The following PLA1A variants were observed in gnomAD, a reference collection of about 807,000 sequenced individuals.
PLA1A encodes phosphatidylserine-specific phospholipase A1alpha.
In PLA1A, 47 loss-of-function variants were observed where a neutral mutation model predicts 49.4. The observed-to-expected ratio is 0.95, with a 90% confidence interval of 0.75 to 1.21. The LOEUF (loss-of-function observed/expected upper bound fraction) is 1.21. Ranked by LOEUF, PLA1A falls within the 50% of genes most tolerant of loss-of-function variation. The pLI, the probability that PLA1A is intolerant of heterozygous loss-of-function variation, is 0.00. For missense variants in PLA1A, 561 were observed against 563.9 expected, an observed-to-expected ratio of 0.99 and a Z score of 0.05; for synonymous variants, 224 against 207.9, an observed-to-expected ratio of 1.08 and a Z score of -0.67.
intron 8 of PLA1A, among the ~76,000 whole-genome samples, chr3:119,622,014 T>C (rs1209836738): frequency 1.3e-5 from 2 of 151,144 alleles, no homozygotes; most frequent in Non-Finnish European, 2.9e-5. Context: ...AGGAGAGGAG[T>C]TCGAGACTGC....
chr3:119,628,266 G>T (rs1448646399), intron 9 of PLA1A, among the ~76,000 whole-genome samples: 2 of 152,232 alleles, frequency 1.3e-5, no homozygotes, highest in Non-Finnish European at 2.9e-5. Context: ...ATGTTTTCTT[G>T]TTGCTGTTTC....
At chr3:119,605,598 G>C (rs1210469767) in intron 1 of PLA1A, among the ~76,000 whole-genome samples, 1 of 152,226 alleles carries the variant, frequency 6.6e-6, no homozygotes, top group East Asian at 1.9e-4. Context: ...CACTTTGTCT[G>C]GTGGCAGCAA....
chr3:119,612,495 C>CT (rs11420188), intron 4 of PLA1A, among the ~76,000 whole-genome samples: 37,090 of 148,284 alleles, frequency 0.25, 5,775 homozygotes, highest in East Asian at 0.47. Flanking sequence ...TCAAGGTCAT[C>CT]TTTTTTTTTT....
chr3:119,625,017 A>G, intron 8 of PLA1A, 107 bp from the exon 9 acceptor site: 1 of 680,804 alleles, frequency 1.5e-6, no homozygotes. Context: ...GCACACAGCC[A>G]CTAAGAGATA....
chr3:119,627,241 C>T (rs72957041), intron 9 of PLA1A, among the ~76,000 whole-genome samples: 24,902 of 152,082 alleles, frequency 0.16, 2,315 homozygotes, highest in East Asian at 0.35. Flanking sequence ...GGGGGAAAAA[C>T]GGGGAGGTTA....
chr3:119,613,546 C>A (rs948295954), intron 5 of PLA1A, among the ~76,000 whole-genome samples: 2 of 152,218 alleles, frequency 1.3e-5, no homozygotes, highest in African/African-American at 4.8e-5. Flanking sequence ...CCTGTCACAA[C>A]TTCCCTCCTC....
At position 119,608,809 on chromosome 3, in the gene PLA1A, T is replaced by C. The variant is rs147462697; in HGVS notation, c.315T>C (p.Ile105=). ...AGCCTTCCTGGATTGACACATTTATTAGAACCCTTCTGCGTGCAACGAATG... is the reference window on the plus strand; with the variant it reads ...AGCCTTCCTGGATTGACACATTTATCAGAACCCTTCTGCGTGCAACGAATG... ...GTKPSWIDTF[I]RTLLRATNAN... Residue 105 remains isoleucine, a synonymous_variant, in exon 3 of 11, where the codon ATT becomes ATC. Coordinates refer to ENST00000273371, the MANE Select transcript of PLA1A (RefSeq NM_015900.4). The C allele has an allele frequency of 4.3e-6, 7 of 1,614,044 alleles. No individual in the cohort carries two copies. Among genetic ancestry groups the C allele is most frequent in the Non-Finnish European group, 5.9e-6 (7 of 1,179,884 alleles).
At position 119,619,630 on chromosome 3, in the gene PLA1A, T is replaced by C. The variant is rs200387675; in HGVS notation, c.990T>C (p.Thr330=). The change falls in exon 8 of 11, where the codon ACT becomes ACC. Residue 330 remains threonine, a synonymous_variant. Transcript: ENST00000273371. ...LPKEVKVYLL[T]TSSAPYCMHH... ...AGGAAGTGAAAGTCTACCTCCTGAC[T>C]ACTTCCAGTGCTCCGTACTGCAGTG... is the stretch of plus-strand genomic sequence containing the variant. 277 of 1,612,000 alleles carry C rather than the reference T, an allele frequency of 1.7e-4. No homozygotes were observed. Among genetic ancestry groups the C allele is most frequent in the Admixed American group, 3.3e-4 (20 of 60,024 alleles).
chr3:119,624,350 C>T (rs1380096798), intron 8 of PLA1A, among the ~76,000 whole-genome samples: 2 of 152,170 alleles, frequency 1.3e-5, no homozygotes, highest in African/African-American at 4.8e-5. Flanking sequence ...GCCTTCATGA[C>T]TTAATCCCTT....
chr3:119,618,810 C>A (rs2082889104), intron 7 of PLA1A, among the ~76,000 whole-genome samples: 1 of 152,124 alleles, frequency 6.6e-6, no homozygotes, highest in South Asian at 2.1e-4. Context: ...AATGGTTTCT[C>A]TCCCTCCCGC....
chr3:119,613,695 C>T (rs1004414567), intron 5 of PLA1A, among the ~76,000 whole-genome samples: 15 of 152,206 alleles, frequency 9.9e-5, no homozygotes, highest in African/African-American at 3.6e-4. Context: ...AGATCGAGAC[C>T]ATCCTGGCTA....
intron 1 of PLA1A, among the ~76,000 whole-genome samples, chr3:119,605,775 G>A (rs763045180): frequency 4.6e-5 from 7 of 152,254 alleles, no homozygotes; most frequent in Non-Finnish European, 8.8e-5. Context: ...TCCCTGGGAA[G>A]CAGGAGTTTC....
chr3:119,628,009 G>GC (rs111370741), intron 9 of PLA1A, among the ~76,000 whole-genome samples: 2,285 of 152,218 alleles, frequency 0.015, 52 homozygotes, highest in African/African-American at 0.051. Context: ...AGGGAATCTG[G>GC]GGGGGCAAAG....
rs1553795296 is a variant in PLA1A at position 119,629,497 on chromosome 3, C to CATT, written c.*30_*32dup. The stretch of plus-strand genomic sequence containing the variant: ...AACCTGGGCAGGACACATCTCCCTG[C>CATT]ATTTTTTTTTTTTTTTTGAGAGAGA... On this transcript the variant is annotated 3_prime_UTR_variant, in exon 11 of 11. Transcript: ENST00000273371. 3.4e-6 allele frequency: 3 copies of CATT among 892,950 alleles called. No individual in the cohort carries two copies. Among genetic ancestry groups the CATT allele is most frequent in the South Asian group, 1.7e-5 (1 of 58,354 alleles). The allele number at this position is 892,950 out of a possible 1,614,324, so 55.3% of individuals were successfully genotyped here.
intron 4 of PLA1A, among the ~76,000 whole-genome samples, chr3:119,611,049 C>T (rs1040336447): frequency 2.6e-5 from 4 of 152,156 alleles, no homozygotes; most frequent in Non-Finnish European, 5.9e-5. Context: ...TTTTCCCACA[C>T]CATTTATCGA....
chr3:119,602,504 C>G (rs111928968), intron 1 of PLA1A, among the ~76,000 whole-genome samples: 3,765 of 151,872 alleles, frequency 0.025, 156 homozygotes, highest in African/African-American at 0.086. Context: ...TTTTTTATTC[C>G]TGATATTGTT....
chr3:119,623,241 A>T (rs1288396542), intron 8 of PLA1A, among the ~76,000 whole-genome samples: 1 of 152,160 alleles, frequency 6.6e-6, no homozygotes, highest in African/African-American at 2.4e-5. Context: ...TCCCATGCTC[A>T]GGTGATCCTC....
intron 4 of PLA1A, among the ~76,000 whole-genome samples, chr3:119,610,391 G>A (rs1274013019): frequency 6.6e-6 from 1 of 152,122 alleles, no homozygotes; most frequent in Admixed American, 6.5e-5. Flanking sequence ...GTTCTTTGAG[G>A]AATCTTCAGA....
rs775545038 is a variant in PLA1A at position 119,618,058 on chromosome 3, A to C, written c.794A>C (p.His265Pro). ...YLICDHMRAV[H>P]LYISALENSC... The stretch of plus-strand genomic sequence containing the variant: ...ATCTGTGATCACATGAGGGCTGTGC[A>C]CCTCTACATCAGCGCCCTGGAGAAT... Residue 265 changes from histidine to proline, a missense_variant, in exon 7 of 11, where the codon CAC becomes CCC. Transcript: ENST00000273371. 1.2e-6 allele frequency: 2 copies of C among 1,613,920 alleles called. No homozygotes were observed. The highest frequency in any genetic ancestry group is 1.1e-5 in the South Asian group (1 of 91,054).
Sources: allele counts gnomAD v4.1 joint callset (sites outside exome capture counted in the v4.1 genomes callset), GRCh38; gene constraint gnomAD v4.1.1; transcripts MANE v1.5; gene names NCBI Gene and HGNC (gene_info 2026-07-23, HGNC 2026-07-21).